SIK2: variants seen among roughly 807,000 people sequenced by gnomAD.
SIK2 encodes salt inducible kinase 2, also known as serine/threonine-protein kinase SIK2.
SIK2 carries 29 observed loss-of-function variants against 103.2 expected under a neutral mutation model. The observed-to-expected ratio is 0.28, with a 90% CI of 0.21 to 0.38. The LOEUF is 0.38. Among genes scored for constraint, SIK2 ranks in the 10% least tolerant of loss-of-function variants. The pLI, the probability that SIK2 is intolerant of heterozygous loss-of-function variation, is 1.00. For synonymous variants in SIK2, 412 were observed against 446.1 expected (o/e 0.92, Z 0.96); for missense variants, 879 against 1,171.0 (o/e 0.75, Z 3.64).
intron 3 of SIK2, among the ~76,000 whole-genome samples, chr11:111,623,245 T>C (rs572008644): frequency 5.4e-4 from 82 of 152,358 alleles, no homozygotes; most frequent in African/African-American, 1.7e-3. Context: ...AGGACTGTTT[T>C]TTAATGCCTT....
At chr11:111,641,852 T>C (rs1163643724) in intron 3 of SIK2, among the ~76,000 whole-genome samples, 2 of 152,186 alleles carry the variant, frequency 1.3e-5, no homozygotes, top group Non-Finnish European at 2.9e-5. Context: ...GGGATTCTTG[T>C]CCCAGCTCAG....
At chr11:111,708,460 T>G (rs989497303) in intron 8 of SIK2, among the ~76,000 whole-genome samples, 4 of 152,190 alleles carry the variant, frequency 2.6e-5, no homozygotes, top group Non-Finnish European at 5.9e-5. Context: ...CCTCTTAGAT[T>G]TGGAGTGCTT....
rs1167903804 is a variant in SIK2, at chr11:111,692,608, G to A, written c.478+4446G>A. On this transcript the variant is annotated intron_variant, in intron 4 of 14. Coordinates refer to ENST00000304987, the MANE Select transcript of SIK2 (RefSeq NM_015191.3). ...ATAAAGTGTTTAGATGGATTCCAAT[G>A]TCTTTAAAGAATTTCTCTAGGATAT... is the stretch of plus-strand genomic sequence containing the variant. Among the ~76,000 whole-genome samples the A allele has an allele frequency of 3.3e-5, 5 of 152,166 alleles. No individual in the cohort carries two copies. The East Asian group carries it at 9.6e-4, about 29-fold the overall frequency.
chr11:111,721,125 G>A, intron 12 of SIK2, 63 bp downstream of exon 12: 1 of 1,522,452 alleles, frequency 6.6e-7, no homozygotes, highest in Non-Finnish European at 8.8e-7. Context: ...TTGTCCTGAA[G>A]ATGGTCATTT....
intron 4 of SIK2, among the ~76,000 whole-genome samples, chr11:111,698,857 G>T (rs1032759603): frequency 1.8e-4 from 27 of 152,280 alleles, no homozygotes; most frequent in African/African-American, 5.5e-4. Flanking sequence ...ACACACATCC[G>T]AGAGCTTCTT....
intron 2 of SIK2, among the ~76,000 whole-genome samples, chr11:111,617,859 T>TACACAC (rs367901545): frequency 2.0e-5 from 3 of 151,018 alleles, no homozygotes; most frequent in South Asian, 2.1e-4. Flanking sequence ...TGTATATATA[T>TACACAC]ATACACACAC....
intron 3 of SIK2, among the ~76,000 whole-genome samples, chr11:111,629,725 G>A (rs1046334909): frequency 4.6e-5 from 7 of 152,034 alleles, no homozygotes; most frequent in East Asian, 1.9e-4. Flanking sequence ...ATTACTCAAC[G>A]TTTTTAGTCA....
chr11:111,631,772 G>T (rs572240702), intron 3 of SIK2, among the ~76,000 whole-genome samples: 19 of 152,270 alleles, frequency 1.2e-4, no homozygotes, highest in Admixed American at 2.0e-4. Flanking sequence ...GAAGGCCTTA[G>T]GTCTTTGCAC....
intron 3 of SIK2, among the ~76,000 whole-genome samples, chr11:111,623,727 GT>G (rs1273988342): frequency 6.6e-6 from 1 of 152,158 alleles, no homozygotes; most frequent in Non-Finnish European, 1.5e-5. Flanking sequence ...CTCTCAGATG[GT>G]TTTTTCTCTG....
intron 9 of SIK2, among the ~76,000 whole-genome samples, chr11:111,718,477 C>T (rs1328155274): frequency 5.3e-5 from 8 of 152,212 alleles, no homozygotes; most frequent in Non-Finnish European, 2.9e-5. Flanking sequence ...TAAATGACCG[C>T]TCATCGCTTT....
intron 10 of SIK2, 88 bp downstream of exon 10, chr11:111,720,091 A>C: frequency 7.6e-7 from 1 of 1,311,148 alleles, no homozygotes; most frequent in Admixed American, 2.0e-5. Context: ...GCCAGCCAAC[A>C]CCTAAAATTG....
At chr11:111,662,838 A>G (rs1041102707) in intron 3 of SIK2, among the ~76,000 whole-genome samples, 1 of 152,030 alleles carries the variant, frequency 6.6e-6, no homozygotes, top group Non-Finnish European at 1.5e-5. Flanking sequence ...TGATCATGCC[A>G]TTGCACTCCA....
intron 1 of SIK2, among the ~76,000 whole-genome samples, chr11:111,612,582 A>G (rs1784785): frequency 0.6 from 90,437 of 151,984 alleles, 30,063 homozygotes; most frequent in East Asian, 0.96. Flanking sequence ...CACCACTTCC[A>G]GCCCTGGCCC....
chr11:111,634,275 C>T (rs1357994677), intron 3 of SIK2, among the ~76,000 whole-genome samples: 3 of 152,080 alleles, frequency 2.0e-5, no homozygotes, highest in African/African-American at 7.2e-5. Flanking sequence ...GCCAAAATAC[C>T]TTTGGACACT....
At chr11:111,603,408 T>C (rs1218082036) in intron 1 of SIK2, among the ~76,000 whole-genome samples, 4 of 152,138 alleles carry the variant, frequency 2.6e-5, no homozygotes, top group African/African-American at 9.7e-5. Flanking sequence ...TGGATTGGTC[T>C]TCTACTTGTC....
At chr11:111,617,124 G>A (rs983446483) in intron 2 of SIK2, among the ~76,000 whole-genome samples, 1 of 152,098 alleles carries the variant, frequency 6.6e-6, no homozygotes, top group African/African-American at 2.4e-5. Context: ...CATTTTAAGT[G>A]TAAGCCATGG....
intron 3 of SIK2, among the ~76,000 whole-genome samples, chr11:111,646,771 A>G (rs1259380238): frequency 1.3e-5 from 2 of 152,232 alleles, no homozygotes; most frequent in East Asian, 1.9e-4. Flanking sequence ...AGATTCATCC[A>G]TGGTGATGCT....
At chr11:111,696,970 G>A (rs779736028) in intron 4 of SIK2, among the ~76,000 whole-genome samples, 9 of 152,144 alleles carry the variant, frequency 5.9e-5, no homozygotes, top group Non-Finnish European at 1.2e-4. Context: ...CCAGATTCCT[G>A]TGAAGAAATT....
At chr11:111,678,157 C>A (rs773852536) in intron 3 of SIK2, among the ~76,000 whole-genome samples, 3 of 152,078 alleles carry the variant, frequency 2.0e-5, no homozygotes, top group African/African-American at 2.4e-5. Context: ...TGCTTTTCTC[C>A]CAGTTGAAAT....
Sources: allele counts gnomAD v4.1 joint callset (sites outside exome capture counted in the v4.1 genomes callset), GRCh38; gene constraint gnomAD v4.1.1; transcripts MANE v1.5; gene names NCBI Gene and HGNC (gene_info 2026-07-23, HGNC 2026-07-21).